DENND2B: variants seen among roughly 807,000 people sequenced by gnomAD.
The protein encoded by DENND2B is DENN domain-containing protein 2B.
A neutral mutation model predicts 116.0 loss-of-function variants in DENND2B; 32 were observed. That is an observed-to-expected ratio of 0.28 (90% CI 0.21 to 0.37). DENND2B has a LOEUF of 0.37. DENND2B is among the 10% of genes least tolerant of loss of function. The probability of loss-of-function intolerance (pLI) is 1.00; values close to 1 mark genes in which losing one functional copy is unlikely to be tolerated. For synonymous variants in DENND2B, 588 were observed against 583.9 expected (o/e 1.01, Z -0.10); for missense variants, 1,276 against 1,477.7 (o/e 0.86, Z 2.24).
At position 8,726,148 on chromosome 11, in the gene DENND2B, C is replaced by T. The variant is rs866503228; in HGVS notation, c.1402G>A (p.Glu468Lys). Residue 468 changes from glutamate (E) to lysine (K), a missense_variant, in exon 4 of 20, where the codon GAG (glutamate) becomes AAG (lysine). Glu to Lys is a moderately conservative substitution (Grantham distance 56). Transcript: ENST00000313726. ...LQSLYPSSPT[E>K]NGTENQPKFG... ...TTGGGTTGGTTCTCAGTACCATTCT[C>T]AGTGGGAGAAGAGGGGTACAGGGAC... is the stretch of plus-strand genomic sequence containing the variant. 2 of 1,613,986 alleles carry T rather than the reference C, an allele frequency of 1.2e-6. No homozygotes were observed. Among genetic ancestry groups the T allele is most frequent in the African/African-American group, 2.7e-5 (2 of 74,928 alleles).
chr11:8,782,807 A>C (rs2058507185), intron 1 of DENND2B, among the ~76,000 whole-genome samples: 1 of 151,024 alleles, frequency 6.6e-6, no homozygotes, highest in South Asian at 2.1e-4. Flanking sequence ...GAATGGCATG[A>C]ACCCAGGAAG....
intron 14 of DENND2B, among the ~76,000 whole-genome samples, chr11:8,701,258 T>G (rs192441432): frequency 2.8e-4 from 42 of 150,426 alleles, no homozygotes; most frequent in African/African-American, 9.5e-4. Flanking sequence ...CCTAGCAGCA[T>G]GGCTGCCCCG....
chr11:8,701,221 G>A (rs1592364804), intron 14 of DENND2B, among the ~76,000 whole-genome samples: 1 of 152,220 alleles, frequency 6.6e-6, no homozygotes, highest in Non-Finnish European at 1.5e-5. Flanking sequence ...TCCCACCGTT[G>A]TCCTCTTGCC....
At chr11:8,779,511 TTTC>T (rs1555187426) in intron 1 of DENND2B, among the ~76,000 whole-genome samples, 5 of 85,770 alleles carry the variant, frequency 5.8e-5, no homozygotes, top group African/African-American at 1.1e-4. Flanking sequence ...TCTTTCTTTC[TTTC>T]TTTTTTTTTT....
At chr11:8,867,376 G>A (rs2063619396) in intron 2 of DENND2B, among the ~76,000 whole-genome samples, 1 of 152,088 alleles carries the variant, frequency 6.6e-6, no homozygotes, top group South Asian at 2.1e-4. Context: ...GGAGGGGTAG[G>A]AAGACCTTTG....
At chr11:8,908,856 T>A (rs1278358761) in intron 1 of DENND2B, among the ~76,000 whole-genome samples, 1 of 152,170 alleles carries the variant, frequency 6.6e-6, no homozygotes, top group Non-Finnish European at 1.5e-5. Flanking sequence ...TCTCCACAAC[T>A]CCTAGGGCAG....
rs1202526917 is a variant in DENND2B, at chr11:8,762,447, C to G, written c.-25-11722G>C. Among the ~76,000 whole-genome samples the G allele has an allele frequency of 3.3e-5, 5 of 152,240 alleles. No homozygotes were observed. In the East Asian group the frequency reaches 9.6e-4, roughly 29 times the overall value. On this transcript the variant is annotated intron_variant, in intron 1 of 19. Coordinates refer to ENST00000313726, the MANE Select transcript of DENND2B (RefSeq NM_213618.2). ...CTGGCCTTCCCAGTGAAGGGTCTGA[C>G]CCACTTACAGCAACCACAACCACTC...
intron 1 of DENND2B, among the ~76,000 whole-genome samples, chr11:8,903,508 C>T (rs1200285789): frequency 1.4e-5 from 2 of 147,034 alleles, no homozygotes; most frequent in African/African-American, 5.0e-5. Context: ...AGAGAGAAGG[C>T]ACAGATTACC....
intron 1 of DENND2B, among the ~76,000 whole-genome samples, chr11:8,758,506 G>C (rs966037697): frequency 6.6e-6 from 1 of 152,164 alleles, no homozygotes; most frequent in African/African-American, 2.4e-5. Flanking sequence ...CTGGGAAAAA[G>C]AGTTTATATC....
At chr11:8,710,260 T>C (rs1016517319) in intron 11 of DENND2B, among the ~76,000 whole-genome samples, 18 of 152,288 alleles carry the variant, frequency 1.2e-4, no homozygotes, top group African/African-American at 3.4e-4. Flanking sequence ...GGTGAGGGAC[T>C]TCTCTTTACA....
chr11:8,720,677 G>C (rs1592698791), intron 4 of DENND2B, among the ~76,000 whole-genome samples: 1 of 152,148 alleles, frequency 6.6e-6, no homozygotes, highest in African/African-American at 2.4e-5. Context: ...GACCATTCCT[G>C]ACTGCCCCGG....
intron 1 of DENND2B, among the ~76,000 whole-genome samples, chr11:8,906,356 C>T (rs774160745): frequency 3.3e-5 from 5 of 151,404 alleles, no homozygotes; most frequent in Admixed American, 6.6e-5. Flanking sequence ...CCTGCCACCA[C>T]GCCCAGCTAA....
chr11:8,805,842 T>C (rs2060791470), intron 1 of DENND2B, among the ~76,000 whole-genome samples: 3 of 152,144 alleles, frequency 2.0e-5, no homozygotes, highest in African/African-American at 7.2e-5. Flanking sequence ...CCCCAGCTCT[T>C]GGCCCAGACA....
At chr11:8,843,290 G>A (rs944190168) in intron 3 of DENND2B, among the ~76,000 whole-genome samples, 5 of 152,130 alleles carry the variant, frequency 3.3e-5, no homozygotes, top group East Asian at 3.9e-4. Context: ...TTACAGGCGC[G>A]AGCCACCGTG....
intron 4 of DENND2B, among the ~76,000 whole-genome samples, chr11:8,721,796 G>C (rs2046240034): frequency 6.6e-6 from 1 of 152,254 alleles, no homozygotes; most frequent in Admixed American, 6.5e-5. Flanking sequence ...AATAAGGGAA[G>C]CAACCAGAGA....
exon 1 of DENND2B, chr11:8,910,932 G>GCCCCCAGCCCCCGA (rs1566099779): frequency 1.7e-5 from 1 of 60,520 alleles, no homozygotes; most frequent in African/African-American, 6.4e-5. Context: ...TCAGCCCCCA[G>GCCCCCAGCCCCCGA]CCCCCGACCC....
intron 11 of DENND2B, chr11:8,708,377 A>T: frequency 1.0e-6 from 1 of 971,294 alleles, no homozygotes; most frequent in Non-Finnish European, 1.2e-6. Flanking sequence ...GCTACTGTTT[A>T]TGGAACATTT....
intron 1 of DENND2B, among the ~76,000 whole-genome samples, chr11:8,791,065 A>G (rs1391071276): frequency 6.6e-6 from 1 of 152,124 alleles, no homozygotes; most frequent in Non-Finnish European, 1.5e-5. Flanking sequence ...AAGCAGCTCC[A>G]TTTCCTCACA....
At chr11:8,792,385 C>T (rs1161775468) in intron 1 of DENND2B, among the ~76,000 whole-genome samples, 3 of 152,106 alleles carry the variant, frequency 2.0e-5, no homozygotes, top group African/African-American at 7.2e-5. Context: ...AAATTCAACT[C>T]CACAGCCGAG....
Sources: allele counts gnomAD v4.1 joint callset (sites outside exome capture counted in the v4.1 genomes callset), GRCh38; gene constraint gnomAD v4.1.1; transcripts MANE v1.5; gene names NCBI Gene and HGNC (gene_info 2026-07-23, HGNC 2026-07-21).